FGGY: variants seen among roughly 807,000 people sequenced by gnomAD.
FGGY encodes FGGY carbohydrate kinase domain containing, also known as FGGY carbohydrate kinase domain-containing protein.
FGGY carries 72 observed loss-of-function variants against 71.3 expected under a neutral mutation model. The observed-to-expected ratio is 1.01, with a 90% CI of 0.84 to 1.23. FGGY has a LOEUF of 1.23. FGGY is among the 50% of genes most tolerant of loss of function. FGGY has a pLI of 0.00. For missense variants in FGGY, 668 were observed against 682.3 expected (o/e 0.98, Z 0.23); for synonymous variants, 251 against 250.3 (o/e 1.00, Z -0.02).
chr1:59,552,146 C>T (rs1194142677), intron 7 of FGGY, among the ~76,000 whole-genome samples: 1 of 152,100 alleles, frequency 6.6e-6, no homozygotes, highest in Non-Finnish European at 1.5e-5. Flanking sequence ...GGACACCAGC[C>T]GATGCTGGAG....
At chr1:59,549,854 G>C (rs1425105779) in intron 7 of FGGY, among the ~76,000 whole-genome samples, 1 of 152,168 alleles carries the variant, frequency 6.6e-6, no homozygotes, top group East Asian at 1.9e-4. Flanking sequence ...GAGAGATGAA[G>C]GGAGACAGCA....
intron 10 of FGGY, 144 bp downstream of exon 10, chr1:59,626,193 A>G (rs540507259): frequency 9.1e-5 from 55 of 606,066 alleles, no homozygotes; most frequent in Non-Finnish European, 1.4e-4. Flanking sequence ...TGGATGATCC[A>G]GAAGATAGAT....
intron 14 of FGGY, among the ~76,000 whole-genome samples, chr1:59,686,035 A>T (rs1286407030): frequency 6.6e-6 from 1 of 152,106 alleles, no homozygotes; most frequent in African/African-American, 2.4e-5. Context: ...CTTCCATGGA[A>T]CTCTTATAGA....
chr1:59,380,335 G>T (rs1334132248), intron 5 of FGGY, among the ~76,000 whole-genome samples: 1 of 151,422 alleles, frequency 6.6e-6, no homozygotes, highest in Non-Finnish European at 1.5e-5. Context: ...TGGGTCAAAT[G>T]GTATTTCTAG....
chr1:59,651,336 A>G (rs1440161466), intron 11 of FGGY, among the ~76,000 whole-genome samples: 2 of 150,804 alleles, frequency 1.3e-5, no homozygotes, highest in African/African-American at 4.9e-5. Flanking sequence ...TGATCTGTCT[A>G]ATGTTGACAG....
chr1:59,546,532 G>GATTATTATTATT (rs1214052314), intron 7 of FGGY, among the ~76,000 whole-genome samples: 56 of 102,128 alleles, frequency 5.5e-4, no homozygotes, highest in African/African-American at 2.1e-3. Context: ...TGATGATGAT[G>GATTATTATTATT]ATGATTATTA....
chr1:59,546,559 C>T (rs903091955), intron 7 of FGGY, among the ~76,000 whole-genome samples: 4 of 148,904 alleles, frequency 2.7e-5, no homozygotes, highest in Non-Finnish European at 5.9e-5. Flanking sequence ...TTATTTGAGA[C>T]GGAGTCTGGC....
At chr1:59,669,515 C>G (rs1239016267) in intron 13 of FGGY, among the ~76,000 whole-genome samples, 1 of 140,784 alleles carries the variant, frequency 7.1e-6, no homozygotes, top group Non-Finnish European at 1.5e-5. Flanking sequence ...AAAATTTGAT[C>G]TGTGACATTC....
At chr1:59,418,708 T>G (rs960485143) in intron 5 of FGGY, among the ~76,000 whole-genome samples, 3 of 152,114 alleles carry the variant, frequency 2.0e-5, no homozygotes, top group Non-Finnish European at 4.4e-5. Flanking sequence ...AGTTTTTTGA[T>G]TTTTTCTTTT....
rs184449304 is a variant in FGGY at position 59,340,041 on chromosome 1, G to T, written c.285G>T (p.Gln95His). 1 of 1,612,908 alleles carries T rather than the reference G, an allele frequency of 6.2e-7. No homozygotes were observed. Among genetic ancestry groups the T allele is most frequent in the Non-Finnish European group, 8.5e-7 (1 of 1,179,408 alleles). ...GTTCTCTGGTTGTTTTGGATAAGCAGTTTCACCCATTACCAGTCAACCAGG... is the reference window on the plus strand; with the variant it reads ...GTTCTCTGGTTGTTTTGGATAAGCATTTTCACCCATTACCAGTCAACCAGG... ...ATCSLVVLDK[Q>H]FHPLPVNQEG... Residue 95 changes from glutamine (Q) to histidine (H), a missense_variant, in exon 3 of 16, where the codon CAG (glutamine) becomes CAT (histidine). This residue lies in a region of FGGY where 661 missense variants were observed against 661.6 expected (regional missense o/e 1.00). Coordinates refer to ENST00000303721, the MANE Select transcript of FGGY (RefSeq NM_018291.5).
At chr1:59,600,472 G>A (rs1465537252) in intron 8 of FGGY, among the ~76,000 whole-genome samples, 1 of 152,166 alleles carries the variant, frequency 6.6e-6, no homozygotes, top group Non-Finnish European at 1.5e-5. Context: ...CTGACCCTAA[G>A]AGATGTAGGC....
intron 5 of FGGY, among the ~76,000 whole-genome samples, chr1:59,407,438 C>T (rs1373223044): frequency 6.6e-6 from 1 of 152,156 alleles, no homozygotes; most frequent in Non-Finnish European, 1.5e-5. Context: ...GCTCTGCAGG[C>T]ACAGATTAAG....
chr1:59,363,269 C>G (rs2153232894), intron 4 of FGGY, among the ~76,000 whole-genome samples: 1 of 152,242 alleles, frequency 6.6e-6, no homozygotes. Flanking sequence ...GTAGGAGAAC[C>G]AACATTTGGA....
At chr1:59,761,632 G>A (rs972939343) in intron 15 of FGGY, among the ~76,000 whole-genome samples, 11 of 152,168 alleles carry the variant, frequency 7.2e-5, no homozygotes, top group Non-Finnish European at 1.3e-4. Flanking sequence ...CTGTTCTGCT[G>A]TCTGATTCAT....
At chr1:59,538,050 C>G (rs996581983) in intron 7 of FGGY, among the ~76,000 whole-genome samples, 161 of 152,172 alleles carry the variant, frequency 1.1e-3, no homozygotes, top group African/African-American at 3.5e-3. Flanking sequence ...TACCATCAGA[C>G]TGAACAGGCA....
chr1:59,344,483 TA>T (rs2051369123), intron 3 of FGGY, among the ~76,000 whole-genome samples: 1 of 152,132 alleles, frequency 6.6e-6, no homozygotes, highest in South Asian at 2.1e-4. Flanking sequence ...CTCCTGCAGG[TA>T]ACCATTCTGC....
intron 6 of FGGY, among the ~76,000 whole-genome samples, chr1:59,467,839 G>T (rs2092722899): frequency 6.6e-6 from 1 of 151,762 alleles, no homozygotes; most frequent in Non-Finnish European, 1.5e-5. Flanking sequence ...TTGAATTAAG[G>T]ATTTGATTTT....
intron 3 of FGGY, among the ~76,000 whole-genome samples, chr1:59,343,312 T>A (rs978442063): frequency 2.0e-5 from 3 of 152,182 alleles, no homozygotes; most frequent in African/African-American, 7.2e-5. Context: ...TACCTCCAAT[T>A]CTCTTAAACG....
chr1:59,744,713 C>A (rs2098180497), intron 14 of FGGY, among the ~76,000 whole-genome samples: 1 of 152,230 alleles, frequency 6.6e-6, no homozygotes, highest in Non-Finnish European at 1.5e-5. Flanking sequence ...CTGATTCATT[C>A]ATTAATTCAT....
Sources: gnomAD v4.1 joint callset for allele counts (sites outside exome capture counted in the v4.1 genomes callset) on GRCh38, gnomAD v4.1.1 for gene constraint, gnomAD v4.1.1 regional missense constraint, MANE v1.5 for transcripts, NCBI Gene and HGNC (gene_info 2026-07-23, HGNC 2026-07-21) for gene names.